The following MYBPC3 variants were observed in gnomAD, a reference collection of about 807,000 sequenced individuals.
The protein encoded by MYBPC3 is myosin binding protein C3.
A neutral mutation model predicts 159.3 loss-of-function variants in MYBPC3; 108 were observed. The ratio of observed to expected loss-of-function variants is 0.68; its 90% CI spans 0.58 to 0.80. The LOEUF (loss-of-function observed/expected upper bound fraction) is 0.80, where lower values mean the gene tolerates loss of function less well. MYBPC3 is among the 30% of genes least tolerant of loss of function. The pLI, the probability that MYBPC3 is intolerant of heterozygous loss-of-function variation, is 0.00. For missense variants in MYBPC3, 1,631 were observed against 1,762.1 expected, an observed-to-expected ratio of 0.93 and a Z score of 1.33; for synonymous variants, 730 against 702.0, an observed-to-expected ratio of 1.04 and a Z score of -0.63.
At position 47,331,826 on chromosome 11, in the gene MYBPC3, G is replaced by T; in HGVS notation, c.*26+19C>A. On this transcript the variant is annotated intron_variant, in intron 34 of 34. Coordinates refer to ENST00000545968, the MANE Select transcript of MYBPC3 (RefSeq NM_000256.3). ...GGCTCAGCCACTGACTTGTGCCCTG[G>T]GTGTCGGGTGGTACATACCTGGCCA... The T allele has an allele frequency of 6.3e-7, 1 of 1,595,450 alleles. No homozygotes were observed.
intron 6 of MYBPC3, among the ~76,000 whole-genome samples, chr11:47,348,173 G>A (rs2095896350): frequency 6.6e-6 from 1 of 152,134 alleles, no homozygotes; most frequent in Non-Finnish European, 1.5e-5. Context: ...CAGGCCATGG[G>A]CCAGGAGCCG....
intron 27 of MYBPC3, among the ~76,000 whole-genome samples, chr11:47,334,772 A>G (rs2095880609): frequency 1.3e-5 from 2 of 152,180 alleles, no homozygotes; most frequent in African/African-American, 4.8e-5. Flanking sequence ...TATGTTGGCC[A>G]GGCTGGTCTC....
At chr11:47,331,809 C>A in intron 34 of MYBPC3, 36 bp downstream of exon 34, 1 of 1,577,468 alleles carries the variant, frequency 6.3e-7, no homozygotes, top group Non-Finnish European at 8.6e-7. Context: ...AGGGCTCAGC[C>A]ACTGACTTGT....
intron 6 of MYBPC3, among the ~76,000 whole-genome samples, 186 bp from the exon 7 acceptor site, chr11:47,348,091 C>T (rs539240002): frequency 4.6e-5 from 7 of 152,286 alleles, no homozygotes; most frequent in East Asian, 1.9e-4. Context: ...GCAGGTGGGA[C>T]GGTTTATTGT....
intron 3 of MYBPC3, 97 bp from the exon 4 acceptor site, chr11:47,350,209 C>T (rs982039180): frequency 6.8e-5 from 93 of 1,357,946 alleles, no homozygotes; most frequent in African/African-American, 8.7e-5. Context: ...CTGCAAGCTC[C>T]GCCTCCCAGG....
chr11:47,346,293 C>T lies in MYBPC3; in HGVS notation c.1004G>A (p.Arg335His). The change falls in exon 12 of 35, where the codon CGC (arginine) becomes CAC (histidine). Residue 335 changes from arginine to histidine, a missense_variant. By Grantham distance (29) the Arg-to-His change is conservative. Transcript: ENST00000545968. The surrounding 1 kb of genome is among the most constrained non-coding windows in gnomAD (Gnocchi z 5.3). The stretch of plus-strand genomic sequence containing the variant: ...AGTGACGCCGTACTGGAAGGCGATG[C>T]GCTCGTACTCAGATGGGGGTGCCTG... The part of the protein sequence containing the change: ...LRQAPPSEYE[R>H]IAFQYGVTDL... 7.4e-6 allele frequency: 12 copies of T among 1,613,462 alleles called. No homozygotes were observed. The highest frequency in any genetic ancestry group is 1.0e-5 in the Non-Finnish European group (12 of 1,179,646).
In MYBPC3 at chr11:47,332,580, G is replaced by A. The variant is rs727503171; in HGVS notation, c.3613C>T (p.Arg1205Trp). 14 of 1,612,378 alleles carry A rather than the reference G, an allele frequency of 8.7e-6. No homozygotes were observed. Among genetic ancestry groups the A allele is most frequent in the Non-Finnish European group, 1.1e-5 (13 of 1,178,892 alleles). Residue 1205 changes from arginine (R) to tryptophan (W), a missense_variant, in exon 32 of 35, where the codon CGG (arginine) becomes TGG (tryptophan). Coordinates refer to ENST00000545968, the MANE Select transcript of MYBPC3 (RefSeq NM_000256.3). This position sits in a 1 kb window ranked among gnomAD's most constrained non-coding sequence, Gnocchi z 4.2. ...AAGTTCCCTACCTTGGGGCTACCCC[G>A]GACAGCACAGCAGAGCATAGCAGTG... ...GYTAMLCCAV[R>W]GSPKPKISWF...
rs761365956 is a variant in MYBPC3 at position 47,343,163 on chromosome 11, G to A, written c.1227-18C>T. ...AGATGTACCTGGGTGGGGGCCGCAG[G>A]GAAGTGGCAGGAAAGCTGCGGACAC... On this transcript the variant is annotated intron_variant, in intron 14 of 34. Coordinates refer to ENST00000545968, the MANE Select transcript of MYBPC3 (RefSeq NM_000256.3). 6.2e-7 allele frequency: 1 copy of A among 1,606,426 alleles called. No homozygotes were observed. Among genetic ancestry groups the A allele is most frequent in the Non-Finnish European group, 8.5e-7 (1 of 1,176,302 alleles).
chr11:47,340,981 A>C, intron 20 of MYBPC3, 22 bp downstream of exon 20: 1 of 1,548,308 alleles, frequency 6.5e-7, no homozygotes, highest in Non-Finnish European at 8.7e-7. Flanking sequence ...CAGAACCAAG[A>C]CTCAGGGGCC....
At position 47,351,465 on chromosome 11, in the gene MYBPC3, G is replaced by C; in HGVS notation, c.66C>G (p.Ala22=). ...CCTCGAACACGGCAGGGCTGCCTGCGGCCACTTCCACTGACCGTGGCTTCT... is the reference window on the plus strand; with the variant it reads ...CCTCGAACACGGCAGGGCTGCCTGCCGCCACTTCCACTGACCGTGGCTTCT... The part of the protein sequence containing the change: ...FSKKPRSVEV[A]AGSPAVFEAE... The change falls in exon 2 of 35, where the codon GCC becomes GCG. Residue 22 remains alanine, a synonymous_variant. Coordinates refer to ENST00000545968, the MANE Select transcript of MYBPC3 (RefSeq NM_000256.3). This position sits in a 1 kb window ranked among gnomAD's most constrained non-coding sequence, Gnocchi z 4.2. The C allele has an allele frequency of 4.4e-6, 7 of 1,598,050 alleles. No homozygotes were observed. The highest frequency in any genetic ancestry group is 1.1e-5 in the South Asian group (1 of 90,230).
chr11:47,333,084 C>T lies in MYBPC3; in HGVS notation c.3330+110G>A, dbSNP rs2095878819. On this transcript the variant is annotated intron_variant, in intron 30 of 34. Coordinates refer to ENST00000545968, the MANE Select transcript of MYBPC3 (RefSeq NM_000256.3). Reference sequence around the variant, plus strand: ...ACCCCTACTATGGAGGGATTCAGATCAGCAGAGGGAGGGTGAGGGGTCCAC... The same window carrying T: ...ACCCCTACTATGGAGGGATTCAGATTAGCAGAGGGAGGGTGAGGGGTCCAC... 3.3e-6 allele frequency: 5 copies of T among 1,521,484 alleles called. No individual in the cohort carries two copies. In the South Asian group the frequency reaches 6.3e-5, roughly 19 times the overall value. 94.2% of individuals were successfully genotyped at this position (1,521,484 alleles called of 1,614,324 possible).
At position 47,343,116 on chromosome 11, in the gene MYBPC3, C is replaced by T. The variant is rs770030288; in HGVS notation, c.1256G>A (p.Arg419His). The change falls in exon 15 of 35, where the codon CGT becomes CAT. Residue 419 changes from arginine to histidine, a missense_variant. Transcript: ENST00000545968. ...TGAGCACTGGCTGATGGTCAGGGTA[C>T]GCTTGGCACCGATGGACTCAAAGAT... ...KYIFESIGAK[R>H]TLTISQCSLA... 8.7e-6 allele frequency: 14 copies of T among 1,611,528 alleles called. No homozygotes were observed. The highest frequency in any genetic ancestry group is 1.6e-4 in the Middle Eastern group (1 of 6,084).
At chr11:47,341,105 GC>G in intron 19 of MYBPC3, 32 bp downstream of exon 19, 2 of 1,569,936 alleles carry the variant, frequency 1.3e-6, no homozygotes, top group East Asian at 2.3e-5. Context: ...TGGCCCCACT[GC>G]CCCGACCCAC....
At position 47,351,464 on chromosome 11, in the gene MYBPC3, C is replaced by T. The variant is rs758044508; in HGVS notation, c.67G>A (p.Ala23Thr). 28 of 1,597,532 alleles carry T rather than the reference C, an allele frequency of 1.8e-5. No homozygotes were observed. The South Asian group carries it at 2.3e-4, about 13-fold the overall frequency. The change falls in exon 2 of 35, where the codon GCA (alanine) becomes ACA (threonine). Residue 23 changes from alanine to threonine, a missense_variant. By Grantham distance (58) the Ala-to-Thr change is moderately conservative (BLOSUM62 0). Coordinates refer to ENST00000545968, the MANE Select transcript of MYBPC3 (RefSeq NM_000256.3). This position sits in a 1 kb window ranked among gnomAD's most constrained non-coding sequence, Gnocchi z 4.2. ...GCCTCGAACACGGCAGGGCTGCCTG[C>T]GGCCACTTCCACTGACCGTGGCTTC... ...SKKPRSVEVA[A>T]GSPAVFEAET...
At chr11:47,333,509 G>T (rs772507127) in intron 29 of MYBPC3, 48 bp downstream of exon 29, 1 of 1,595,958 alleles carries the variant, frequency 6.3e-7, no homozygotes, top group Non-Finnish European at 8.5e-7. Context: ...CAGCAGCCCA[G>T]CCCAGGGAAG....
intron 26 of MYBPC3, chr11:47,335,489 G>A (rs1391345716): frequency 2.0e-5 from 6 of 306,404 alleles, no homozygotes; most frequent in African/African-American, 6.5e-5. Flanking sequence ...CACCACACCC[G>A]GCTAATTTTG....
rs752388318 is a variant in MYBPC3, at chr11:47,351,230, G to C, written c.292+9C>G. The C allele has an allele frequency of 2.0e-6, 3 of 1,509,078 alleles. No homozygotes were observed. In the African/African-American group the frequency reaches 4.1e-5, roughly 21 times the overall value. 93.5% of individuals were successfully genotyped at this position (1,509,078 alleles called of 1,614,324 possible). A position where few individuals can be genotyped will look rare whatever the true frequency, so the allele number is the denominator to read the frequency against. On this transcript the variant is annotated intron_variant, in intron 2 of 34. Coordinates refer to ENST00000545968, the MANE Select transcript of MYBPC3 (RefSeq NM_000256.3). The surrounding 1 kb of genome is among the most constrained non-coding windows in gnomAD (Gnocchi z 4.2). ...CCCAAACCTCAGGGAAGGCTGATCA[G>C]GATCTTACCTGCCTCTATGACCTTG... is the stretch of plus-strand genomic sequence containing the variant.
At position 47,342,730 on chromosome 11, in the gene MYBPC3, A is replaced by C. The variant is rs778361492; in HGVS notation, c.1472T>G (p.Val491Gly). 1.9e-6 allele frequency: 3 copies of C among 1,613,966 alleles called. No individual in the cohort carries two copies. In the South Asian group the frequency reaches 3.3e-5, roughly 18 times the overall value. The change falls in exon 17 of 35, where the codon GTG (valine) becomes GGG (glycine). Residue 491 changes from valine to glycine, a missense_variant. By Grantham distance (109) the Val-to-Gly change is moderately radical (BLOSUM62 -3). Coordinates refer to ENST00000545968, the MANE Select transcript of MYBPC3 (RefSeq NM_000256.3). ...GAQVKWLKDGVELTREETFKY... is the reference protein window; with the variant it reads ...GAQVKWLKDGGELTREETFKY... ...GAAGGTCTCCTCCCGGGTCAGCTCC[A>C]CCCCGTCCTTCAGCCTAGCCGGGTG...
rs984077881 is a variant in MYBPC3 at position 47,342,558 on chromosome 11, G to T, written c.1624+20C>A. ...GGGTCCAAGCCCTAAAGCCTCATGT[G>T]CCCCCCCAGCCAGGCTCACCCTGCA... is the stretch of plus-strand genomic sequence containing the variant. On this transcript the variant is annotated intron_variant, in intron 17 of 34. Coordinates refer to ENST00000545968, the MANE Select transcript of MYBPC3 (RefSeq NM_000256.3). 5 of 1,552,614 alleles carry T rather than the reference G, an allele frequency of 3.2e-6. No homozygotes were observed. The highest frequency in any genetic ancestry group is 4.3e-6 in the Non-Finnish European group (5 of 1,149,722).
Sources: gnomAD v4.1 joint callset for allele counts (sites outside exome capture counted in the v4.1 genomes callset) on GRCh38, gnomAD v4.1.1 for gene constraint, Gnocchi (gnomAD v3.1) non-coding constraint, MANE v1.5 for transcripts, NCBI Gene and HGNC (gene_info 2026-07-23, HGNC 2026-07-21) for gene names.